KIT: variants seen among roughly 807,000 people sequenced by gnomAD.
KIT encodes the protein mast/stem cell growth factor receptor Kit.
Under a neutral mutation model 105.7 loss-of-function variants are expected in KIT, and 16 were observed. The ratio of observed to expected loss-of-function variants is 0.15; its 90% confidence interval spans 0.10 to 0.23. KIT has a LOEUF of 0.23. Among genes scored for constraint, KIT ranks in the 10% least tolerant of loss-of-function variants. The pLI is 1.00. For missense variants in KIT, 858 were observed against 1,213.8 expected (o/e 0.71, Z 4.36); for synonymous variants, 438 against 441.1 (o/e 0.99, Z 0.09).
chr4:54,727,188 TTG>T (rs779070561), intron 9 of KIT, 28 bp from the exon 10 acceptor site: 1 of 1,598,830 alleles, frequency 6.3e-7, no homozygotes, highest in South Asian at 1.1e-5. Context: ...CTGCCAAAGT[TTG>T]TGATTCCACA....
chr4:54,671,132 C>T (rs187363408), intron 1 of KIT, among the ~76,000 whole-genome samples: 2 of 152,224 alleles, frequency 1.3e-5, no homozygotes, highest in African/African-American at 2.4e-5. Flanking sequence ...CGGCTTTTTG[C>T]GTTTTCACTT....
intron 1 of KIT, among the ~76,000 whole-genome samples, chr4:54,661,078 C>A (rs1381291255): frequency 1.3e-5 from 2 of 152,196 alleles, no homozygotes; most frequent in East Asian, 3.9e-4. Context: ...AGTTAGCGTC[C>A]CTCAGAAATG....
In KIT at chr4:54,682,427, C is replaced by CT. The variant is rs889409371; in HGVS notation, c.68-13077dup. Among the ~76,000 whole-genome samples the CT allele has an allele frequency of 8.6e-5, 13 of 151,250 alleles. No homozygotes were observed. The South Asian group carries it at 1.5e-3, about 17-fold the overall frequency. ...TTATTAATGTAAGAGATTTCTTTGTCTTTTTTTTCTTTTTTTTTTGAGGTG... is the reference window on the plus strand; with the variant it reads ...TTATTAATGTAAGAGATTTCTTTGTCTTTTTTTTTCTTTTTTTTTTGAGGTG... On this transcript the variant is annotated intron_variant, in intron 1 of 20. Transcript: ENST00000288135.
rs775639491 is a variant in KIT at position 54,709,559 on chromosome 4, C to T, written c.1231+20C>T. The T allele has an allele frequency of 6.9e-7, 1 of 1,441,200 alleles. No individual in the cohort carries two copies. Among genetic ancestry groups the T allele is most frequent in the Non-Finnish European group, 9.8e-7 (1 of 1,022,456 alleles). The allele number at this position is 1,441,200 out of a possible 1,614,324, so 89.3% of individuals were successfully genotyped here. ...TGAATAGTAAGTAACATGAAGGGCT[C>T]CTTTTAATTTTTTATTCTTTTAAAG... On this transcript the variant is annotated intron_variant, in intron 7 of 20. Coordinates refer to ENST00000288135, the MANE Select transcript of KIT (RefSeq NM_000222.3).
intron 1 of KIT, among the ~76,000 whole-genome samples, chr4:54,676,234 C>T (rs1309655921): frequency 6.6e-6 from 1 of 151,936 alleles, no homozygotes; most frequent in Non-Finnish European, 1.5e-5. Context: ...GCAAACTCTC[C>T]GCCCCCACCC....
Position 54,703,215 on chromosome 4 carries a change from G to A in KIT, c.757-509G>A, listed in dbSNP as rs116075037. ...TCAGTAGTTTACAAGATTCTGCTGG[G>A]TGAGAACTGCAGGATGAGTTTCCAA... On this transcript the variant is annotated intron_variant, in intron 4 of 20. Coordinates refer to ENST00000288135, the MANE Select transcript of KIT (RefSeq NM_000222.3). Among the ~76,000 whole-genome samples the A allele has an allele frequency of 3.7e-3, 560 of 152,290 alleles. 4 individuals are homozygous for A. Among genetic ancestry groups the A allele is most frequent in the African/African-American group, 0.013 (526 of 41,578 alleles).
chr4:54,727,721 C>CA, intron 11 of KIT, 102 bp from the exon 12 acceptor site: 1 of 1,294,776 alleles, frequency 7.7e-7, no homozygotes, highest in Non-Finnish European at 1.1e-6. Context: ...CTCTGGACAA[C>CA]ATTGTTTTTA....
At chr4:54,693,871 G>A (rs1015332841) in intron 1 of KIT, among the ~76,000 whole-genome samples, 1 of 151,986 alleles carries the variant, frequency 6.6e-6, no homozygotes, top group African/African-American at 2.4e-5. Context: ...TTTTCATCCC[G>A]CTGATATGGC....
chr4:54,730,250 C>T (rs1035262533), intron 14 of KIT, among the ~76,000 whole-genome samples: 1 of 152,088 alleles, frequency 6.6e-6, no homozygotes, highest in Non-Finnish European at 1.5e-5. Flanking sequence ...GGTTATTTTG[C>T]CCAGTCCCCT....
rs140549916 is a variant in KIT at position 54,692,811 on chromosome 4, G to A, written c.68-2701G>A. ...CTGTAGCCTTTATGACGTTGTTGCTGCCTAATAATATTTAATGCTTATAAT... is the reference window on the plus strand; with the variant it reads ...CTGTAGCCTTTATGACGTTGTTGCTACCTAATAATATTTAATGCTTATAAT... On this transcript the variant is annotated intron_variant, in intron 1 of 20. Coordinates refer to ENST00000288135, the MANE Select transcript of KIT (RefSeq NM_000222.3). Among the ~76,000 whole-genome samples, 17 of 152,276 alleles carry A rather than the reference G, an allele frequency of 1.1e-4. No individual in the cohort carries two copies. In the East Asian group the frequency reaches 2.7e-3, roughly 24 times the overall value.
intron 1 of KIT, among the ~76,000 whole-genome samples, chr4:54,685,049 A>G (rs554497016): frequency 5.3e-5 from 8 of 152,274 alleles, no homozygotes; most frequent in African/African-American, 1.9e-4. Flanking sequence ...CCAACCTTCT[A>G]TAGAAGGCCC....
chr4:54,702,513 CATTTTTTCAT>C (rs1720520474), intron 4 of KIT, among the ~76,000 whole-genome samples: 1 of 152,020 alleles, frequency 6.6e-6, no homozygotes, highest in African/African-American at 2.4e-5. Flanking sequence ...ATATAGTCTG[CATTTTTTCAT>C]ATTTTTTCTC....
At chr4:54,687,333 G>T (rs1719381351) in intron 1 of KIT, among the ~76,000 whole-genome samples, 1 of 152,004 alleles carries the variant, frequency 6.6e-6, no homozygotes, top group African/African-American at 2.4e-5. Flanking sequence ...AGCTACTTGA[G>T]AGGCTGAGGT....
At chr4:54,737,821 G>A (rs895296934) in intron 20 of KIT, among the ~76,000 whole-genome samples, 5 of 152,192 alleles carry the variant, frequency 3.3e-5, no homozygotes, top group Non-Finnish European at 7.3e-5. Flanking sequence ...AAGTGTGGGG[G>A]AATGAAAACT....
At chr4:54,678,339 TC>T (rs1560381287) in intron 1 of KIT, among the ~76,000 whole-genome samples, 1 of 98,764 alleles carries the variant, frequency 1.0e-5, no homozygotes, top group Admixed American at 9.8e-5. Context: ...CTTCCTTCCT[TC>T]CTTCCTTCCT....
intron 16 of KIT, among the ~76,000 whole-genome samples, chr4:54,732,375 G>A (rs1282376534): frequency 6.6e-6 from 1 of 152,092 alleles, no homozygotes; most frequent in Non-Finnish European, 1.5e-5. Context: ...TTGGGGTGAA[G>A]CATAGACTTG....
chr4:54,702,010 AAGTTAAGACT>A (rs1255971853), intron 4 of KIT, among the ~76,000 whole-genome samples: 1 of 152,206 alleles, frequency 6.6e-6, no homozygotes, highest in Non-Finnish European at 1.5e-5. Flanking sequence ...TAGAAACTAA[AAGTTAAGACT>A]AGTGATGCTC....
At chr4:54,706,200 C>G (rs1720778100) in intron 5 of KIT, among the ~76,000 whole-genome samples, 1 of 150,120 alleles carries the variant, frequency 6.7e-6, no homozygotes, top group South Asian at 2.1e-4. Context: ...ATGGAAATTA[C>G]AAGATTTAAT....
At chr4:54,687,418 A>G (rs1435431730) in intron 1 of KIT, among the ~76,000 whole-genome samples, 2 of 152,026 alleles carry the variant, frequency 1.3e-5, no homozygotes, top group Admixed American at 1.3e-4. Flanking sequence ...AGCCTGGGCG[A>G]CGACAGAGCA....
Sources: gnomAD v4.1 joint callset for allele counts (sites outside exome capture counted in the v4.1 genomes callset) on GRCh38, gnomAD v4.1.1 for gene constraint, MANE v1.5 for transcripts, NCBI Gene and HGNC (gene_info 2026-07-23, HGNC 2026-07-21) for gene names.